The following C2orf76 variants were observed in gnomAD, a reference collection of about 807,000 sequenced individuals.
C2orf76 encodes the protein chromosome 2 open reading frame 76, also known as UPF0538 protein C2orf76.
Under a neutral mutation model 16.9 loss-of-function variants are expected in C2orf76, and 23 were observed. The ratio of observed to expected loss-of-function variants is 1.36; its 90% confidence interval spans 0.98 to 1.93. The LOEUF is 1.93. Among genes scored for constraint, C2orf76 ranks in the 30% most tolerant of loss-of-function variants. C2orf76 has a pLI of 0.00. For missense variants in C2orf76, 152 were observed against 152.6 expected, an observed-to-expected ratio of 1.00 and a Z score of 0.02; for synonymous variants, 48 against 52.3, an observed-to-expected ratio of 0.92 and a Z score of 0.35.
chr2:119,309,037 G>A (rs1024356748), intron 5 of C2orf76, among the ~76,000 whole-genome samples: 7 of 152,158 alleles, frequency 4.6e-5, no homozygotes, highest in African/African-American at 1.7e-4. Context: ...ATCAGGTTTT[G>A]GACCCAAGCA....
chr2:119,322,695 A>G lies in C2orf76; in HGVS notation c.134-1491T>C, dbSNP rs150461400. Among the ~76,000 whole-genome samples, 339 of 152,340 alleles carry G rather than the reference A, an allele frequency of 2.2e-3. 4 individuals are homozygous for G. Among genetic ancestry groups the G allele is most frequent in the African/African-American group, 7.8e-3 (326 of 41,576 alleles). Reference sequence around the variant, plus strand: ...TGAAAAATACTTTTCAACTGTTAAAAGAAAAAGAAGGAAGCTCTCTACTAA... The same window carrying G: ...TGAAAAATACTTTTCAACTGTTAAAGGAAAAAGAAGGAAGCTCTCTACTAA... On this transcript the variant is annotated intron_variant, in intron 2 of 5. Coordinates refer to ENST00000334816, the MANE Select transcript of C2orf76 (RefSeq NM_001322331.2).
Position 119,360,477 on chromosome 2 carries a change from CAAAAAAAA to C in C2orf76, c.-13+6305_-13+6312del, listed in dbSNP as rs770401400. Among the ~76,000 whole-genome samples the C allele has an allele frequency of 7.9e-4, 53 of 66,924 alleles. 1 individual carries two copies. The highest frequency in any genetic ancestry group is 3.1e-3 in the Admixed American group (17 of 5,420). 43.9% of individuals were successfully genotyped at this position (66,924 alleles called of 152,430 possible). A position where few individuals can be genotyped will look rare whatever the true frequency, so the allele number is the denominator to read the frequency against. On this transcript the variant is annotated intron_variant, in intron 1 of 5. Transcript: ENST00000334816. ...GGGCAACGAGAGCAAAACTCTGTCT[CAAAAAAAA>C]AAAAAAAAAAAAAAAGATATATACA...
At chr2:119,340,883 T>G (rs1477793225) in intron 1 of C2orf76, among the ~76,000 whole-genome samples, 10 of 151,314 alleles carry the variant, frequency 6.6e-5, no homozygotes. Flanking sequence ...TAAAAAATAT[T>G]TTTGTTTTGA....
intron 2 of C2orf76, among the ~76,000 whole-genome samples, chr2:119,336,144 C>T (rs1243889607): frequency 6.6e-6 from 1 of 152,094 alleles, no homozygotes; most frequent in Non-Finnish European, 1.5e-5. Flanking sequence ...CCTGTAATCC[C>T]AGCACTTTGG....
At chr2:119,335,418 T>A (rs1679816992) in intron 2 of C2orf76, among the ~76,000 whole-genome samples, 1 of 152,134 alleles carries the variant, frequency 6.6e-6, no homozygotes, top group Admixed American at 6.5e-5. Flanking sequence ...GTCTGGAGCA[T>A]CCTGTAGTAC....
chr2:119,354,888 C>T (rs542032606), intron 1 of C2orf76, among the ~76,000 whole-genome samples: 8 of 152,342 alleles, frequency 5.3e-5, no homozygotes, highest in African/African-American at 1.9e-4. Context: ...TGCTTTACTG[C>T]ATAATGACAT....
intron 2 of C2orf76, among the ~76,000 whole-genome samples, chr2:119,330,367 A>AC (rs1037283475): frequency 1.3e-5 from 2 of 151,904 alleles, no homozygotes; most frequent in African/African-American, 4.8e-5. Context: ...AAAAAAAAAA[A>AC]AATGTTAATC....
At chr2:119,353,720 G>A (rs1269602054) in intron 1 of C2orf76, among the ~76,000 whole-genome samples, 3 of 151,878 alleles carry the variant, frequency 2.0e-5, no homozygotes, top group Non-Finnish European at 4.4e-5. Context: ...ACGCTGCCAC[G>A]CCTGGCTAAT....
intron 2 of C2orf76, among the ~76,000 whole-genome samples, chr2:119,323,506 G>A (rs1037358051): frequency 9.9e-5 from 15 of 152,130 alleles, no homozygotes; most frequent in Middle Eastern, 3.2e-3. Flanking sequence ...ACAAAAGTAC[G>A]TTTCCAGCCA....
intron 1 of C2orf76, among the ~76,000 whole-genome samples, chr2:119,343,402 C>A (rs1475502434): frequency 2.6e-5 from 4 of 151,820 alleles, no homozygotes; most frequent in African/African-American, 9.7e-5. Context: ...GCTATGACCA[C>A]GTCTCCCTCT....
intron 3 of C2orf76, among the ~76,000 whole-genome samples, chr2:119,320,878 A>G (rs796579578): frequency 2.0e-5 from 3 of 152,182 alleles, no homozygotes; most frequent in African/African-American, 7.2e-5. Flanking sequence ...CCTTCTTTTA[A>G]TTCTTAGTCT....
At chr2:119,337,891 A>C (rs1226596045) in intron 2 of C2orf76, among the ~76,000 whole-genome samples, 1 of 152,222 alleles carries the variant, frequency 6.6e-6, no homozygotes, top group African/African-American at 2.4e-5. Flanking sequence ...CCTGGAAAAA[A>C]GACATCTTCC....
chr2:119,358,055 G>T (rs1680626191), intron 1 of C2orf76, among the ~76,000 whole-genome samples: 1 of 152,112 alleles, frequency 6.6e-6, no homozygotes, highest in South Asian at 2.1e-4. Flanking sequence ...CAATAATATT[G>T]AAATTAGGCC....
chr2:119,335,219 C>G (rs994310637), intron 2 of C2orf76, among the ~76,000 whole-genome samples: 1 of 152,132 alleles, frequency 6.6e-6, no homozygotes, highest in Non-Finnish European at 1.5e-5. Flanking sequence ...TCAGCTGAGA[C>G]AGTTTAAAAT....
chr2:119,352,495 G>C (rs375590106), intron 1 of C2orf76, among the ~76,000 whole-genome samples: 1 of 152,174 alleles, frequency 6.6e-6, no homozygotes, highest in South Asian at 2.1e-4. Flanking sequence ...GCCAATCACA[G>C]CAGCCAAACT....
intron 2 of C2orf76, among the ~76,000 whole-genome samples, chr2:119,331,431 G>A (rs1679674860): frequency 6.6e-6 from 1 of 152,166 alleles, no homozygotes; most frequent in Non-Finnish European, 1.5e-5. Flanking sequence ...TTCTTTCCCA[G>A]GCTTCCAGTG....
intron 1 of C2orf76, among the ~76,000 whole-genome samples, chr2:119,340,557 A>G (rs1679992784): frequency 1.3e-5 from 2 of 151,966 alleles, no homozygotes; most frequent in Admixed American, 6.6e-5. Flanking sequence ...ATGTTATCTC[A>G]TTTAATTCAT....
intron 1 of C2orf76, among the ~76,000 whole-genome samples, chr2:119,355,293 G>A (rs1680535096): frequency 6.6e-6 from 1 of 152,210 alleles, no homozygotes; most frequent in Admixed American, 6.5e-5. Flanking sequence ...TCACACGTCT[G>A]CGTGTCTTAG....
At chr2:119,353,187 CA>C (rs1159180046) in intron 1 of C2orf76, among the ~76,000 whole-genome samples, 2 of 151,824 alleles carry the variant, frequency 1.3e-5, no homozygotes, top group Admixed American at 6.6e-5. Flanking sequence ...TGTTTAAGGC[CA>C]GGGGTGATGT....
Sources: gnomAD v4.1 joint callset for allele counts (sites outside exome capture counted in the v4.1 genomes callset) on GRCh38, gnomAD v4.1.1 for gene constraint, MANE v1.5 for transcripts, NCBI Gene and HGNC (gene_info 2026-07-23, HGNC 2026-07-21) for gene names.